POC1A: variants seen among roughly 807,000 people sequenced by gnomAD.
The protein encoded by POC1A is POC1 centriolar protein A.
In POC1A, 34 loss-of-function variants were observed where a neutral mutation model predicts 47.8. The ratio of observed to expected loss-of-function variants is 0.71; its 90% CI spans 0.54 to 0.95. POC1A has a LOEUF of 0.95. POC1A is among the 40% of genes least tolerant of loss of function. The pLI, the probability that POC1A is intolerant of heterozygous loss-of-function variation, is 0.00. For synonymous variants in POC1A, 177 were observed against 207.6 expected, an observed-to-expected ratio of 0.85 and a Z score of 1.27; for missense variants, 466 against 528.3, an observed-to-expected ratio of 0.88 and a Z score of 1.16.
At chr3:52,122,317 G>A (rs1026885884) in intron 9 of POC1A, 62 bp downstream of exon 9, 35 of 956,580 alleles carry the variant, frequency 3.7e-5, no homozygotes, top group Non-Finnish European at 5.3e-5. Flanking sequence ...GCCCAGAGCT[G>A]TTCACCATGA....
At chr3:52,138,839 T>A (rs1698082033) in intron 6 of POC1A, among the ~76,000 whole-genome samples, 2 of 152,108 alleles carry the variant, frequency 1.3e-5, no homozygotes, top group Admixed American at 6.5e-5. Flanking sequence ...GCTCACCCCA[T>A]GACGTTTTTT....
At chr3:52,140,202 C>T (rs1032073138) in intron 6 of POC1A, among the ~76,000 whole-genome samples, 1 of 152,188 alleles carries the variant, frequency 6.6e-6, no homozygotes, top group Non-Finnish European at 1.5e-5. Context: ...AGTCTGGATA[C>T]GTGTTCCCAG....
intron 9 of POC1A, among the ~76,000 whole-genome samples, chr3:52,111,779 A>G (rs1317240954): frequency 6.6e-6 from 1 of 152,098 alleles, no homozygotes; most frequent in Non-Finnish European, 1.5e-5. Context: ...CTGCTTCCCT[A>G]AAGTCTAGCA....
At chr3:52,132,941 G>A (rs898200594) in intron 7 of POC1A, among the ~76,000 whole-genome samples, 2 of 152,004 alleles carry the variant, frequency 1.3e-5, no homozygotes, top group African/African-American at 2.4e-5. Flanking sequence ...AACTACTCGG[G>A]AGGCTGAGGT....
At chr3:52,112,764 C>T (rs1349129625) in intron 9 of POC1A, among the ~76,000 whole-genome samples, 1 of 152,142 alleles carries the variant, frequency 6.6e-6, no homozygotes, top group Non-Finnish European at 1.5e-5. Flanking sequence ...TTCTGATTGC[C>T]TCTCCCAAGC....
intron 10 of POC1A, among the ~76,000 whole-genome samples, chr3:52,094,002 A>G (rs1016808910): frequency 6.6e-6 from 1 of 152,138 alleles, no homozygotes; most frequent in Non-Finnish European, 1.5e-5. Flanking sequence ...GCTCTCCCCT[A>G]GAAGGATGTT....
At chr3:52,077,318 T>C (rs900437214) in intron 10 of POC1A, among the ~76,000 whole-genome samples, 1 of 152,274 alleles carries the variant, frequency 6.6e-6, no homozygotes, top group African/African-American at 2.4e-5. Flanking sequence ...AAGGAAACTT[T>C]CTTTCATACA....
At chr3:52,123,213 CA>C (rs1262510928) in intron 8 of POC1A, among the ~76,000 whole-genome samples, 2 of 152,272 alleles carry the variant, frequency 1.3e-5, no homozygotes, top group African/African-American at 4.8e-5. Context: ...ATGAAAAACA[CA>C]TCCTATTCCA....
intron 9 of POC1A, among the ~76,000 whole-genome samples, chr3:52,102,189 C>A (rs1703027778): frequency 6.6e-6 from 1 of 152,008 alleles, no homozygotes; most frequent in African/African-American, 2.4e-5. Context: ...TTTGAAAATT[C>A]TTGGCCATTA....
chr3:52,091,783 G>A (rs1329483314), intron 10 of POC1A, among the ~76,000 whole-genome samples: 1 of 152,298 alleles, frequency 6.6e-6, no homozygotes, highest in East Asian at 1.9e-4. Flanking sequence ...TCGACTCACT[G>A]CTGTGCTTCA....
At position 52,097,115 on chromosome 3, in the gene POC1A, G is replaced by T. The variant is rs1041250927; in HGVS notation, c.982-403C>A. On this transcript the variant is annotated intron_variant, in intron 9 of 10. Transcript: ENST00000296484. ...AGATGCTGAAGCCTGGCCTGGGCCT[G>T]AAGTCCCTCCTCTTCCTGGTCAGCT... Among the ~76,000 whole-genome samples, 7 of 152,266 alleles carry T rather than the reference G, an allele frequency of 4.6e-5. No homozygotes were observed. The East Asian group carries it at 1.3e-3, about 29-fold the overall frequency.
chr3:52,142,100 G>A (rs1052631769), intron 6 of POC1A, among the ~76,000 whole-genome samples: 8 of 152,234 alleles, frequency 5.3e-5, no homozygotes, highest in Admixed American at 4.6e-4. Flanking sequence ...TAGCTTTCTA[G>A]CTGTGTGACT....
intron 7 of POC1A, among the ~76,000 whole-genome samples, chr3:52,132,741 T>C (rs1339000911): frequency 1.3e-5 from 2 of 152,134 alleles, no homozygotes; most frequent in East Asian, 1.9e-4. Context: ...CCCAACAAAA[T>C]TGATACTGAA....
chr3:52,119,004 G>GTTTTTT (rs10662992), intron 9 of POC1A, among the ~76,000 whole-genome samples: 2 of 146,768 alleles, frequency 1.4e-5, no homozygotes, highest in African/African-American at 5.0e-5. Flanking sequence ...AAGGCAAAAG[G>GTTTTTT]TTTTTTTTTT....
chr3:52,112,194 C>A (rs953498193), intron 9 of POC1A, among the ~76,000 whole-genome samples: 8 of 152,200 alleles, frequency 5.3e-5, no homozygotes, highest in Non-Finnish European at 1.0e-4. Context: ...CACGCTGTCA[C>A]CCAGGCTGAA....
intron 1 of POC1A, among the ~76,000 whole-genome samples, chr3:52,151,336 A>G (rs1237637550): frequency 6.6e-6 from 1 of 152,252 alleles, no homozygotes; most frequent in African/African-American, 2.4e-5. Context: ...AAAACAAATG[A>G]GTTCAGCAAA....
At chr3:52,080,070 G>A (rs927214737) in intron 10 of POC1A, among the ~76,000 whole-genome samples, 2 of 152,158 alleles carry the variant, frequency 1.3e-5, no homozygotes, top group Admixed American at 6.5e-5. Context: ...CGGGACGCTC[G>A]TGTGTGCCAA....
At chr3:52,146,645 G>A (rs181863144) in intron 5 of POC1A, among the ~76,000 whole-genome samples, 44 of 152,356 alleles carry the variant, frequency 2.9e-4, no homozygotes, top group Middle Eastern at 3.4e-3. Flanking sequence ...TAGTTTGGGC[G>A]ACTGAGTGTC....
intron 9 of POC1A, among the ~76,000 whole-genome samples, chr3:52,111,958 G>GTACTGCCCTTA (rs1341669965): frequency 5.3e-5 from 8 of 152,174 alleles, no homozygotes; most frequent in African/African-American, 1.9e-4. Flanking sequence ...GGAGTACTAA[G>GTACTGCCCTTA]GGGCAGGACA....
Sources: allele counts gnomAD v4.1 joint callset (sites outside exome capture counted in the v4.1 genomes callset), GRCh38; gene constraint gnomAD v4.1.1; transcripts MANE v1.5; gene names NCBI Gene and HGNC (gene_info 2026-07-23, HGNC 2026-07-21).